Variants in ADAM10 observed in about 807,000 individuals in gnomAD.
ADAM10 encodes disintegrin and metalloproteinase domain-containing protein 10.
In ADAM10, 17 loss-of-function variants were observed where a neutral mutation model predicts 90.1. The ratio of observed to expected loss-of-function variants is 0.19; its 90% confidence interval spans 0.13 to 0.28. ADAM10 has a LOEUF of 0.28. ADAM10 is among the 10% of genes least tolerant of loss of function. ADAM10 has a pLI of 1.00. For synonymous variants in ADAM10, 310 were observed against 298.6 expected (o/e 1.04, Z -0.40); for missense variants, 610 against 914.3 (o/e 0.67, Z 4.29).
intron 2 of ADAM10, among the ~76,000 whole-genome samples, chr15:58,688,047 C>T (rs1029323705): frequency 2.6e-5 from 4 of 152,056 alleles, no homozygotes; most frequent in Admixed American, 6.5e-5. Flanking sequence ...CACACATGCA[C>T]GTACATGTAA....
rs181725496 is a variant in ADAM10 at position 58,656,248 on chromosome 15, G to A, written c.585+8849C>T. ...GTATGCAATAGATCATTGGATCTTC[G>A]GGGTTTTTTAATCCATTTAGCTACT... On this transcript the variant is annotated intron_variant, in intron 5 of 15. Transcript: ENST00000260408. 1.3e-3 allele frequency among the ~76,000 whole-genome samples: 197 copies of A among 152,116 alleles called. 1 individual carries two copies. Among genetic ancestry groups the A allele is most frequent in the African/African-American group, 4.3e-3 (178 of 41,498 alleles).
At chr15:58,600,529 C>T (rs973845982) in intron 14 of ADAM10, among the ~76,000 whole-genome samples, 2 of 151,926 alleles carry the variant, frequency 1.3e-5, no homozygotes, top group Non-Finnish European at 2.9e-5. Flanking sequence ...AGTTTATAGG[C>T]TATCTTTTTA....
Position 58,589,864 on chromosome 15 carries a change from A to G in ADAM10, c.*7683T>C, listed in dbSNP as rs1362210237. Reference sequence around the variant, plus strand: ...AAGCGAAGCGCCTTTCACAACTCCCAGATTGTTGGGCCAATATCCTAAGGA... The same window carrying G: ...AAGCGAAGCGCCTTTCACAACTCCCGGATTGTTGGGCCAATATCCTAAGGA... On this transcript the variant is annotated 3_prime_UTR_variant, in exon 16 of 16. Coordinates refer to ENST00000260408, the MANE Select transcript of ADAM10 (RefSeq NM_001110.4). 2 of 152,206 alleles carry G rather than the reference A, an allele frequency of 1.3e-5. No individual in the cohort carries two copies. Among genetic ancestry groups the G allele is most frequent in the Non-Finnish European group, 2.9e-5 (2 of 68,048 alleles). 9.4% of individuals were successfully genotyped at this position (152,206 alleles called of 1,614,324 possible).
chr15:58,746,026 C>T (rs1899779603), intron 1 of ADAM10, among the ~76,000 whole-genome samples: 1 of 152,178 alleles, frequency 6.6e-6, no homozygotes, highest in Non-Finnish European at 1.5e-5. Flanking sequence ...CCAGAGGCCA[C>T]CTTTGAGCTA....
chr15:58,721,820 G>C (rs1898864001), intron 1 of ADAM10, among the ~76,000 whole-genome samples: 1 of 152,138 alleles, frequency 6.6e-6, no homozygotes, highest in South Asian at 2.1e-4. Context: ...TTGAGGTCAG[G>C]AGTTCAAGAC....
intron 1 of ADAM10, among the ~76,000 whole-genome samples, chr15:58,743,035 G>A (rs563337899): frequency 6.6e-6 from 1 of 152,182 alleles, no homozygotes; most frequent in African/African-American, 2.4e-5. Flanking sequence ...TTCAACCTGG[G>A]CAACAGAAAG....
In ADAM10 at chr15:58,633,079, C is replaced by T. The variant is rs374167395; in HGVS notation, c.1176+117G>A. 6 of 986,540 alleles carry T rather than the reference C, an allele frequency of 6.1e-6. No individual in the cohort carries two copies. The African/African-American group carries it at 6.5e-5, about 11-fold the overall frequency. The allele number at this position is 986,540 out of a possible 1,614,324, so 61.1% of individuals were successfully genotyped here. Reference sequence around the variant, plus strand: ...GGTCAAATACATTACTGTGCTCTGACATAAAAACTAAACACTCGTAAGTAC... The same window carrying T: ...GGTCAAATACATTACTGTGCTCTGATATAAAAACTAAACACTCGTAAGTAC... On this transcript the variant is annotated intron_variant, in intron 9 of 15. Coordinates refer to ENST00000260408, the MANE Select transcript of ADAM10 (RefSeq NM_001110.4).
At chr15:58,683,397 G>T (rs1322146701) in intron 2 of ADAM10, among the ~76,000 whole-genome samples, 1 of 152,058 alleles carries the variant, frequency 6.6e-6, no homozygotes, top group African/African-American at 2.4e-5. Context: ...ACACATTTGT[G>T]ACATGAATAA....
chr15:58,610,212 T>C lies in ADAM10; in HGVS notation c.2025+85A>G, dbSNP rs188171096. On this transcript the variant is annotated intron_variant, in intron 14 of 15. Coordinates refer to ENST00000260408, the MANE Select transcript of ADAM10 (RefSeq NM_001110.4). ...TTCTAATATAAATAGTTAAGTTGTTTTCTCGTAACTTTGATGACTTCTGGC... is the reference window on the plus strand; with the variant it reads ...TTCTAATATAAATAGTTAAGTTGTTCTCTCGTAACTTTGATGACTTCTGGC... 8 of 1,115,642 alleles carry C rather than the reference T, an allele frequency of 7.2e-6. No individual in the cohort carries two copies. In the Admixed American group the frequency reaches 1.3e-4, roughly 17 times the overall value. 69.1% of individuals were successfully genotyped at this position (1,115,642 alleles called of 1,614,324 possible).
intron 2 of ADAM10, among the ~76,000 whole-genome samples, chr15:58,689,648 T>C (rs1280180546): frequency 6.6e-6 from 1 of 152,028 alleles, no homozygotes; most frequent in Non-Finnish European, 1.5e-5. Flanking sequence ...ATTCCAGTAC[T>C]GCAGACATTG....
At chr15:58,683,289 T>C (rs1897493131) in intron 2 of ADAM10, among the ~76,000 whole-genome samples, 1 of 152,166 alleles carries the variant, frequency 6.6e-6, no homozygotes, top group Non-Finnish European at 1.5e-5. Context: ...TTTTTTTACA[T>C]ATACATGTTT....
At chr15:58,612,934 G>A (rs761378182) in intron 11 of ADAM10, among the ~76,000 whole-genome samples, 19 of 152,154 alleles carry the variant, frequency 1.2e-4, no homozygotes, top group Non-Finnish European at 2.4e-4. Flanking sequence ...GTGAGATCCT[G>A]AGCCTAGAAC....
intron 1 of ADAM10, among the ~76,000 whole-genome samples, chr15:58,724,653 G>A (rs1211318917): frequency 1.3e-5 from 2 of 152,212 alleles, no homozygotes; most frequent in African/African-American, 4.8e-5. Context: ...AACAGAGAGA[G>A]AGCTCCAGCC....
intron 1 of ADAM10, among the ~76,000 whole-genome samples, chr15:58,741,769 C>T (rs1241793268): frequency 6.6e-6 from 1 of 152,164 alleles, no homozygotes; most frequent in Non-Finnish European, 1.5e-5. Context: ...TAATCCAAGA[C>T]TCAATCACCC....
intron 8 of ADAM10, among the ~76,000 whole-genome samples, chr15:58,634,215 T>C (rs150749396): frequency 7.9e-5 from 12 of 151,744 alleles, no homozygotes; most frequent in Non-Finnish European, 1.2e-4. Context: ...GGCAGGAGAA[T>C]TGCCTGAACC....
chr15:58,609,447 A>G (rs1895372424), intron 14 of ADAM10: 1 of 152,172 alleles, frequency 6.6e-6, no homozygotes, highest in Non-Finnish European at 1.5e-5. Flanking sequence ...GAAGAGTACA[A>G]AAAAGGCTGA....
chr15:58,698,605 C>T (rs1234743100), intron 2 of ADAM10, among the ~76,000 whole-genome samples: 2 of 147,598 alleles, frequency 1.4e-5, no homozygotes, highest in African/African-American at 5.0e-5. Flanking sequence ...AGACAGATAT[C>T]ATAAAAAAGA....
intron 11 of ADAM10, among the ~76,000 whole-genome samples, chr15:58,616,799 A>C (rs996949832): frequency 5.9e-5 from 9 of 152,166 alleles, no homozygotes; most frequent in Non-Finnish European, 1.0e-4. Flanking sequence ...AATAAACAAA[A>C]TTGAGACTAA....
At chr15:58,677,160 G>A (rs1433547946) in intron 4 of ADAM10, among the ~76,000 whole-genome samples, 9 of 152,058 alleles carry the variant, frequency 5.9e-5, no homozygotes, top group Admixed American at 3.3e-4. Context: ...AACTCCTTCC[G>A]TACTCCCATC....
Sources: allele counts gnomAD v4.1 joint callset (sites outside exome capture counted in the v4.1 genomes callset), GRCh38; gene constraint gnomAD v4.1.1; transcripts MANE v1.5; gene names NCBI Gene and HGNC (gene_info 2026-07-23, HGNC 2026-07-21).